The following ZNF462 variants were observed in gnomAD, a reference collection of about 807,000 sequenced individuals.
ZNF462 encodes zinc finger PBX1-interacting protein.
Under a neutral mutation model 201.9 loss-of-function variants are expected in ZNF462, and 10 were observed. That is an observed-to-expected ratio of 0.05 (90% CI 0.03 to 0.08). The LOEUF is 0.08. ZNF462 is among the 10% of genes least tolerant of loss of function. The pLI is 1.00. For synonymous variants in ZNF462, 1,227 were observed against 1,193.3 expected, an observed-to-expected ratio of 1.03 and a Z score of -0.58; for missense variants, 2,523 against 3,168.3, an observed-to-expected ratio of 0.80 and a Z score of 4.89.
intron 1 of ZNF462, among the ~76,000 whole-genome samples, chr9:106,888,243 G>A (rs1203415573): frequency 6.6e-6 from 1 of 150,890 alleles, no homozygotes; most frequent in East Asian, 1.9e-4. Context: ...GGGTTTCACC[G>A]TGTTAGCCAG....
intron 1 of ZNF462, among the ~76,000 whole-genome samples, chr9:106,906,422 G>A (rs961301397): frequency 6.6e-6 from 1 of 152,166 alleles, no homozygotes; most frequent in Non-Finnish European, 1.5e-5. Context: ...TGATAACAGA[G>A]ATCCCTGCTT....
chr9:106,908,796 A>G (rs1829380797), intron 1 of ZNF462, among the ~76,000 whole-genome samples: 1 of 148,772 alleles, frequency 6.7e-6, no homozygotes, highest in Admixed American at 6.7e-5. Flanking sequence ...TATTTTTATT[A>G]CTGATTAAAT....
At chr9:106,961,577 G>A (rs1452780968) in intron 7 of ZNF462, among the ~76,000 whole-genome samples, 1 of 151,284 alleles carries the variant, frequency 6.6e-6, no homozygotes, top group Non-Finnish European at 1.5e-5. Flanking sequence ...TTGAGCACTT[G>A]CTTTAGGCCA....
rs1564062653 is a variant in ZNF462 at position 106,864,090 on chromosome 9, CT to C, written c.-31+736del. Among the ~76,000 whole-genome samples the C allele has an allele frequency of 2.5e-3, 336 of 132,030 alleles. 9 individuals carry two copies. Among genetic ancestry groups the C allele is most frequent in the Middle Eastern group, 7.4e-3 (2 of 270 alleles). The allele number at this position is 132,030 out of a possible 152,430, so 86.6% of individuals were successfully genotyped here. On this transcript the variant is annotated intron_variant, in intron 1 of 12. Coordinates refer to ENST00000277225, the MANE Select transcript of ZNF462 (RefSeq NM_021224.6). ...TCTCTCTCTCTCTCTCTCTCTCTCT[CT>C]CTCTCTCTCTCTCTCTCTCCCTCTC...
upstream of ZNF462, among the ~76,000 whole-genome samples, chr9:106,862,870 C>T (rs1402340531): frequency 6.6e-6 from 1 of 152,034 alleles, no homozygotes. The surrounding 1 kb of genome is among the most constrained non-coding windows in gnomAD (Gnocchi z 4.2). Context: ...CTCTCTGCTG[C>T]ACGTTGTTGT....
At chr9:106,888,040 G>A (rs941397076) in intron 1 of ZNF462, among the ~76,000 whole-genome samples, 4 of 147,210 alleles carry the variant, frequency 2.7e-5, no homozygotes, top group African/African-American at 1.0e-4. Flanking sequence ...TGTAAATGTG[G>A]ATTTTTTTTT....
In ZNF462 at chr9:106,926,531, T is replaced by C. The variant is rs1335001716; in HGVS notation, c.2619T>C (p.Phe873=). Residue 873 remains phenylalanine, a synonymous_variant, in exon 3 of 13, where the codon TTT becomes TTC. Coordinates refer to ENST00000277225, the MANE Select transcript of ZNF462 (RefSeq NM_021224.6). The surrounding 1 kb of genome is among the most constrained non-coding windows in gnomAD (Gnocchi z 7.9). The part of the protein sequence containing the change: ...QRMHPYIKFS[F]RYILDPNDHS... ...TGCACCCATACATTAAATTCAGCTT[T>C]AGGTACATCTTGGACCCCAATGATC... 1 of 1,614,010 alleles carries C rather than the reference T, an allele frequency of 6.2e-7. No individual in the cohort carries two copies. Among genetic ancestry groups the C allele is most frequent in the Non-Finnish European group, 8.5e-7 (1 of 1,180,026 alleles).
chr9:106,900,325 A>G lies in ZNF462; in HGVS notation c.-30-23029A>G, dbSNP rs779563836. ...TGGTTCCAAGATTTTGCAATTGTGAATTGTGCTGCTATAAACATGGGTGTG... is the reference window on the plus strand; with the variant it reads ...TGGTTCCAAGATTTTGCAATTGTGAGTTGTGCTGCTATAAACATGGGTGTG... On this transcript the variant is annotated intron_variant, in intron 1 of 12. Transcript: ENST00000277225. Among the ~76,000 whole-genome samples the G allele has an allele frequency of 1.7e-4, 26 of 150,500 alleles. 1 individual carries two copies. The highest frequency in any genetic ancestry group is 7.3e-4 in the Admixed American group (11 of 15,016).
At chr9:106,904,638 T>C (rs1266525844) in intron 1 of ZNF462, among the ~76,000 whole-genome samples, 1 of 152,220 alleles carries the variant, frequency 6.6e-6, no homozygotes, top group East Asian at 1.9e-4. Context: ...CTTATTCTTT[T>C]TCTTTGTCTT....
chr9:106,893,257 G>A (rs904446690), intron 1 of ZNF462, among the ~76,000 whole-genome samples: 1 of 152,190 alleles, frequency 6.6e-6, no homozygotes, highest in African/African-American at 2.4e-5. Flanking sequence ...CCCAAACCTT[G>A]TCTTCTGACC....
At position 106,924,988 on chromosome 9, in the gene ZNF462, T is replaced by G. The variant is rs140936337; in HGVS notation, c.1076T>G (p.Leu359Trp). 3.4e-4 allele frequency: 555 copies of G among 1,614,064 alleles called. 1 individual carries two copies. Among genetic ancestry groups the G allele is most frequent in the Non-Finnish European group, 4.6e-4 (537 of 1,180,034 alleles). The change falls in exon 3 of 13, where the codon TTG becomes TGG. Residue 359 changes from leucine to tryptophan, a missense_variant. Physicochemically the swap from Leu to Trp is moderately conservative, Grantham distance 61. This residue lies in a region of ZNF462 where 480 missense variants were observed against 544.4 expected (regional missense o/e 0.88). Transcript: ENST00000277225. This position sits in a 1 kb window ranked among gnomAD's most constrained non-coding sequence, Gnocchi z 6.2. ...KSPHNSGLVN[L>W]TERSRYGMTD... ...CCTCACAATTCTGGTCTAGTTAACT[T>G]GACAGAGAGATCCCGTTATGGAATG...
At chr9:106,985,367 C>T (rs1827758098) in intron 10 of ZNF462, among the ~76,000 whole-genome samples, 1 of 152,078 alleles carries the variant, frequency 6.6e-6, no homozygotes, top group Non-Finnish European at 1.5e-5. Context: ...AGAATGAATA[C>T]ATTAGTACAG....
chr9:106,998,422 C>T (rs182151522), intron 10 of ZNF462, among the ~76,000 whole-genome samples: 170 of 152,204 alleles, frequency 1.1e-3, no homozygotes, highest in African/African-American at 3.8e-3. Flanking sequence ...ATTTGTAAAT[C>T]ACATATAATT....
In ZNF462 at chr9:106,984,434, C is replaced by T. The variant is rs377679422; in HGVS notation, c.7056+25C>T. On this transcript the variant is annotated intron_variant, in intron 10 of 12. Coordinates refer to ENST00000277225, the MANE Select transcript of ZNF462 (RefSeq NM_021224.6). The surrounding 1 kb of genome is among the most constrained non-coding windows in gnomAD (Gnocchi z 6.4). ...GGTACTTACCAGGACTTCCTGCTCC[C>T]GCCTCAGCACACTTGTGGGGAGGGG... 14 of 1,585,392 alleles carry T rather than the reference C, an allele frequency of 8.8e-6. No homozygotes were observed. The highest frequency in any genetic ancestry group is 4.0e-5 in the African/African-American group (3 of 74,324).
intron 7 of ZNF462, among the ~76,000 whole-genome samples, chr9:106,940,554 T>A (rs1830823062): frequency 6.6e-6 from 1 of 152,142 alleles, no homozygotes; most frequent in African/African-American, 2.4e-5. Flanking sequence ...TTTTAAAAAA[T>A]TTTTGAAGCT....
In ZNF462 at chr9:107,012,279, A is replaced by G. The variant is rs1240632699; in HGVS notation, c.*1249A>G. 1 of 150,878 alleles carries G rather than the reference A, an allele frequency of 6.6e-6. No homozygotes were observed. The highest frequency in any genetic ancestry group is 6.6e-5 in the Admixed American group (1 of 15,120). The allele number at this position is 150,878 out of a possible 1,614,324, so 9.3% of individuals were successfully genotyped here. A position where few individuals can be genotyped will look rare whatever the true frequency, so the allele number is the denominator to read the frequency against. ...TAGGATTGGCTGGCTTTTGTGTGTG[A>G]TTTTAAAATCTGTGTTTTGTTTCTG... On this transcript the variant is annotated 3_prime_UTR_variant, in exon 13 of 13. Coordinates refer to ENST00000277225, the MANE Select transcript of ZNF462 (RefSeq NM_021224.6).
At position 106,905,807 on chromosome 9, in the gene ZNF462, T is replaced by C. The variant is rs1021180274; in HGVS notation, c.-30-17547T>C. 2.0e-5 allele frequency among the ~76,000 whole-genome samples: 3 copies of C among 152,208 alleles called. No homozygotes were observed. Among genetic ancestry groups the C allele is most frequent in the Admixed American group, 6.5e-5 (1 of 15,280 alleles). On this transcript the variant is annotated intron_variant, in intron 1 of 12. Coordinates refer to ENST00000277225, the MANE Select transcript of ZNF462 (RefSeq NM_021224.6). This position sits in a 1 kb window ranked among gnomAD's most constrained non-coding sequence, Gnocchi z 5.9. ...GGCGAGATGGGCTTGAAAATTTCTCTGAGGCTACGCACCTCCCAGCTGCGA... is the reference window on the plus strand; with the variant it reads ...GGCGAGATGGGCTTGAAAATTTCTCCGAGGCTACGCACCTCCCAGCTGCGA...
chr9:106,892,284 A>G (rs2131064137), intron 1 of ZNF462, among the ~76,000 whole-genome samples: 1 of 152,338 alleles, frequency 6.6e-6, no homozygotes, highest in Admixed American at 6.5e-5. Flanking sequence ...CCTGGCATCC[A>G]TTTAACGAAA....
At position 106,925,042 on chromosome 9, in the gene ZNF462, T is replaced by G. The variant is rs1564103151; in HGVS notation, c.1130T>G (p.Leu377Arg). 6.2e-7 allele frequency: 1 copy of G among 1,614,204 alleles called. No homozygotes were observed. The highest frequency in any genetic ancestry group is 1.3e-5 in the African/African-American group (1 of 75,056). ...MTDMTNSSAD[L>R]ETNSMLNDSS... ...GACATGACCAATTCTTCTGCTGACCTGGAAACTAACAGCATGCTAAATGAC... is the reference window on the plus strand; with the variant it reads ...GACATGACCAATTCTTCTGCTGACCGGGAAACTAACAGCATGCTAAATGAC... Residue 377 changes from leucine (L) to arginine (R), a missense_variant, in exon 3 of 13, where the codon CTG becomes CGG. Physicochemically the swap from Leu to Arg is moderately radical, Grantham distance 102 (BLOSUM62 -2). Coordinates refer to ENST00000277225, the MANE Select transcript of ZNF462 (RefSeq NM_021224.6). This position sits in a 1 kb window ranked among gnomAD's most constrained non-coding sequence, Gnocchi z 7.9.
Sources: gnomAD v4.1 joint callset for allele counts (sites outside exome capture counted in the v4.1 genomes callset) on GRCh38, gnomAD v4.1.1 for gene constraint, gnomAD v4.1.1 regional missense constraint, Gnocchi (gnomAD v3.1) non-coding constraint, MANE v1.5 for transcripts, NCBI Gene and HGNC (gene_info 2026-07-23, HGNC 2026-07-21) for gene names.